PDE11A: variants seen among roughly 807,000 people sequenced by gnomAD.
The protein encoded by PDE11A is phosphodiesterase 11A.
Under a neutral mutation model 100.5 loss-of-function variants are expected in PDE11A, and 100 were observed. The ratio of observed to expected loss-of-function variants is 1.00; its 90% confidence interval spans 0.85 to 1.18. The LOEUF (loss-of-function observed/expected upper bound fraction) is 1.18, where lower values mean the gene tolerates loss of function less well. Ranked by LOEUF, PDE11A falls within the 50% of genes most tolerant of loss-of-function variation. PDE11A has a pLI of 0.00. For synonymous variants in PDE11A, 381 were observed against 420.8 expected, an observed-to-expected ratio of 0.91 and a Z score of 1.16; for missense variants, 1,141 against 1,152.6, an observed-to-expected ratio of 0.99 and a Z score of 0.15.
At chr2:177,659,561 T>A (rs1023791792) in intron 19 of PDE11A, among the ~76,000 whole-genome samples, 1 of 152,176 alleles carries the variant, frequency 6.6e-6, no homozygotes, top group African/African-American at 2.4e-5. Flanking sequence ...AATCTCTCAG[T>A]TCTTAACAAA....
intron 1 of PDE11A, among the ~76,000 whole-genome samples, chr2:178,067,083 C>T (rs2087056960): frequency 6.6e-6 from 1 of 152,182 alleles, no homozygotes; most frequent in Admixed American, 6.5e-5. Flanking sequence ...ATTGCCCTCC[C>T]TCCCTCCTTT....
chr2:177,997,480 G>A lies in PDE11A; in HGVS notation c.1071+16822C>T, dbSNP rs2086090252. 5 of 813,676 alleles carry A rather than the reference G, an allele frequency of 6.1e-6. No homozygotes were observed. In the Admixed American group the frequency reaches 8.6e-5, roughly 14 times the overall value. The allele number at this position is 813,676 out of a possible 1,614,324, so 50.4% of individuals were successfully genotyped here. Reference sequence around the variant, plus strand: ...TCTTACAAGAAGGAGGAATGTGGAAGAGATCCTTGATTAAAACATTGATAT... The same window carrying A: ...TCTTACAAGAAGGAGGAATGTGGAAAAGATCCTTGATTAAAACATTGATAT... On this transcript the variant is annotated intron_variant, in intron 2 of 19. Transcript: ENST00000286063.
chr2:177,721,338 C>T (rs1459124125), intron 12 of PDE11A, among the ~76,000 whole-genome samples: 4 of 152,088 alleles, frequency 2.6e-5, no homozygotes, highest in Admixed American at 6.6e-5. Flanking sequence ...TATCTGTCAA[C>T]ACTATTTCAT....
At chr2:177,738,566 A>C (rs2081827486) in intron 10 of PDE11A, among the ~76,000 whole-genome samples, 2 of 152,156 alleles carry the variant, frequency 1.3e-5, no homozygotes, top group Non-Finnish European at 1.5e-5. Context: ...GCTCAGACCT[A>C]CTATGCTCTC....
intron 9 of PDE11A, among the ~76,000 whole-genome samples, chr2:177,780,712 C>A (rs984998201): frequency 3.9e-5 from 6 of 152,222 alleles, no homozygotes; most frequent in Non-Finnish European, 5.9e-5. Flanking sequence ...GAGATGGCTT[C>A]TTCCCTTAAA....
intron 13 of PDE11A, among the ~76,000 whole-genome samples, chr2:177,706,983 C>G (rs1471915124): frequency 6.6e-6 from 1 of 151,712 alleles, no homozygotes; most frequent in African/African-American, 2.4e-5. Flanking sequence ...TGTCTTTGAA[C>G]TGTTGGATGT....
chr2:177,834,354 C>A (rs1175849700), intron 6 of PDE11A, among the ~76,000 whole-genome samples: 1 of 152,248 alleles, frequency 6.6e-6, no homozygotes, highest in Non-Finnish European at 1.5e-5. Flanking sequence ...CCTTCCCCAC[C>A]CCATCATTCT....
At chr2:177,939,071 C>A (rs757573867) in intron 2 of PDE11A, among the ~76,000 whole-genome samples, 14 of 152,126 alleles carry the variant, frequency 9.2e-5, no homozygotes, top group Non-Finnish European at 1.8e-4. Flanking sequence ...GTTGTTTAAG[C>A]CATTTTAGTC....
intron 19 of PDE11A, among the ~76,000 whole-genome samples, chr2:177,637,385 A>G (rs1373458966): frequency 6.6e-6 from 1 of 152,160 alleles, no homozygotes; most frequent in African/African-American, 2.4e-5. Context: ...GTCTTCTGGT[A>G]TGGAACCAGA....
chr2:177,711,337 C>A (rs2081356884), intron 13 of PDE11A, among the ~76,000 whole-genome samples: 1 of 152,206 alleles, frequency 6.6e-6, no homozygotes, highest in Admixed American at 6.5e-5. Flanking sequence ...TACCCAACAT[C>A]AAAAGAATCC....
chr2:177,732,184 G>A (rs930137785), intron 10 of PDE11A, among the ~76,000 whole-genome samples: 4 of 152,156 alleles, frequency 2.6e-5, no homozygotes, highest in African/African-American at 4.8e-5. Flanking sequence ...GGGTTCACTT[G>A]TGCCAGTGAA....
intron 2 of PDE11A, among the ~76,000 whole-genome samples, chr2:178,103,907 C>CA (rs1262501845): frequency 6.6e-6 from 1 of 151,966 alleles, no homozygotes; most frequent in Non-Finnish European, 1.5e-5. Flanking sequence ...TTCCCACAAA[C>CA]AAAAAAACAT....
intron 1 of PDE11A, among the ~76,000 whole-genome samples, chr2:178,035,127 T>A (rs1033127583): frequency 6.6e-6 from 1 of 151,350 alleles, no homozygotes; most frequent in Admixed American, 6.6e-5. Context: ...GATGGACCAC[T>A]AGTTAGACTA....
At chr2:177,926,806 T>G (rs1167712814) in intron 2 of PDE11A, 2 of 152,190 alleles carry the variant, frequency 1.3e-5, no homozygotes, top group Non-Finnish European at 2.9e-5. Context: ...GCCTATGTAC[T>G]TAAAATCCTG....
At chr2:177,847,857 G>A (rs2105640818) in intron 5 of PDE11A, among the ~76,000 whole-genome samples, 1 of 152,232 alleles carries the variant, frequency 6.6e-6, no homozygotes, top group Admixed American at 6.5e-5. Flanking sequence ...CCTCTCTGTA[G>A]ACATAGAGGG....
intron 9 of PDE11A, among the ~76,000 whole-genome samples, chr2:177,806,648 A>T (rs752203186): frequency 3.3e-5 from 5 of 152,202 alleles, no homozygotes; most frequent in African/African-American, 7.2e-5. Context: ...AAGCAGAAAA[A>T]TGTGACCTAA....
intron 2 of PDE11A, among the ~76,000 whole-genome samples, chr2:177,925,088 C>T (rs1574283338): frequency 6.6e-6 from 1 of 150,442 alleles, no homozygotes; most frequent in Non-Finnish European, 1.5e-5. Flanking sequence ...CATAGTATTC[C>T]ATGGTGCATA....
intron 2 of PDE11A, chr2:177,998,036 C>T: frequency 8.0e-7 from 1 of 1,256,566 alleles, no homozygotes; most frequent in Non-Finnish European, 1.2e-6. Context: ...AAGAAGGGTA[C>T]TGCCTGCTGA....
At chr2:177,718,241 T>C (rs941314164) in intron 12 of PDE11A, among the ~76,000 whole-genome samples, 1 of 152,214 alleles carries the variant, frequency 6.6e-6, no homozygotes, top group African/African-American at 2.4e-5. Flanking sequence ...CTTCCCATTT[T>C]GTAGATGAAA....
Sources: allele counts gnomAD v4.1 joint callset (sites outside exome capture counted in the v4.1 genomes callset), GRCh38; gene constraint gnomAD v4.1.1; transcripts MANE v1.5; gene names NCBI Gene and HGNC (gene_info 2026-07-23, HGNC 2026-07-21).